FBXW8: variants seen among roughly 807,000 people sequenced by gnomAD.
FBXW8 encodes F-box and WD repeat domain containing 8.
Under a neutral mutation model 65.3 loss-of-function variants are expected in FBXW8, and 57 were observed. That is an observed-to-expected ratio of 0.87 (90% CI 0.71 to 1.09). FBXW8 has a LOEUF of 1.09. Among genes scored for constraint, FBXW8 ranks in the 50% least tolerant of loss-of-function variants. FBXW8 has a pLI of 0.00. For missense variants in FBXW8, 777 were observed against 814.8 expected (o/e 0.95, Z 0.57); for synonymous variants, 308 against 330.2 (o/e 0.93, Z 0.73).
At chr12:116,925,909 GT>G (rs1314746098) in intron 1 of FBXW8, among the ~76,000 whole-genome samples, 1 of 152,168 alleles carries the variant, frequency 6.6e-6, no homozygotes, top group Non-Finnish European at 1.5e-5. Flanking sequence ...AGGTGTATCA[GT>G]TTGAATCTTT....
intron 2 of FBXW8, among the ~76,000 whole-genome samples, chr12:116,930,721 G>A (rs1881703022): frequency 6.6e-6 from 1 of 152,162 alleles, no homozygotes; most frequent in African/African-American, 2.4e-5. Context: ...ACCTATACCA[G>A]TGTCATGGAG....
chr12:117,024,785 G>A (rs1055570511), intron 9 of FBXW8, among the ~76,000 whole-genome samples: 3 of 152,140 alleles, frequency 2.0e-5, no homozygotes, highest in Admixed American at 6.5e-5. Context: ...TCCGTCATGT[G>A]TAACCATGGT....
chr12:116,979,225 T>C (rs938262110), intron 5 of FBXW8: 8 of 152,240 alleles, frequency 5.3e-5, no homozygotes, highest in African/African-American at 1.7e-4. Context: ...CAGTTTAAAC[T>C]CATTTAGATC....
chr12:116,975,924 C>G (rs1369652287), intron 5 of FBXW8, among the ~76,000 whole-genome samples: 1 of 152,128 alleles, frequency 6.6e-6, no homozygotes, highest in Non-Finnish European at 1.5e-5. Flanking sequence ...AAAAAATATG[C>G]TGGTAAGAGG....
chr12:116,969,509 T>G (rs1884527067), intron 5 of FBXW8, among the ~76,000 whole-genome samples: 1 of 152,232 alleles, frequency 6.6e-6, no homozygotes, highest in Non-Finnish European at 1.5e-5. Flanking sequence ...TTATATTGCT[T>G]CTTTCCAGGA....
At chr12:117,018,860 C>G (rs1257123874) in intron 8 of FBXW8, among the ~76,000 whole-genome samples, 2 of 152,140 alleles carry the variant, frequency 1.3e-5, no homozygotes, top group African/African-American at 4.8e-5. Context: ...CCTTAACAGC[C>G]AAACTGTAAA....
intron 6 of FBXW8, chr12:116,985,614 CTT>C: frequency 1.9e-6 from 1 of 514,986 alleles, no homozygotes. Context: ...AGTGAACTGA[CTT>C]GCCCCAGTTC....
chr12:117,024,008 A>G (rs977949883), intron 8 of FBXW8, 139 bp from the exon 9 acceptor site: 56 of 761,188 alleles, frequency 7.4e-5, no homozygotes, highest in Non-Finnish European at 1.1e-4. Flanking sequence ...TGATGTCCTT[A>G]TTATCGATGT....
At chr12:116,932,716 TAG>T (rs1384109370) in intron 2 of FBXW8, among the ~76,000 whole-genome samples, 2 of 152,174 alleles carry the variant, frequency 1.3e-5, no homozygotes, top group African/African-American at 4.8e-5. Flanking sequence ...GTATTTTTAG[TAG>T]AGACGGGGTT....
At chr12:116,926,025 C>T (rs1267024502) in intron 1 of FBXW8, among the ~76,000 whole-genome samples, 1 of 152,118 alleles carries the variant, frequency 6.6e-6, no homozygotes, top group Non-Finnish European at 1.5e-5. Context: ...CATTGTCTTC[C>T]ATGATGAGGA....
chr12:116,919,745 G>A (rs1880736326), intron 1 of FBXW8, among the ~76,000 whole-genome samples: 1 of 152,138 alleles, frequency 6.6e-6, no homozygotes, highest in Non-Finnish European at 1.5e-5. Context: ...CTTTATAAAG[G>A]CTCTATGATT....
chr12:116,952,436 A>G (rs971556963), intron 4 of FBXW8, among the ~76,000 whole-genome samples: 1 of 152,192 alleles, frequency 6.6e-6, no homozygotes, highest in Non-Finnish European at 1.5e-5. Flanking sequence ...AACCAACACC[A>G]CTATCTAATT....
chr12:116,994,448 A>AG (rs1953328169), intron 7 of FBXW8, among the ~76,000 whole-genome samples: 2 of 152,218 alleles, frequency 1.3e-5, no homozygotes, highest in African/African-American at 4.8e-5. Flanking sequence ...ATAGGAAGGA[A>AG]GGGTATGTGG....
At chr12:117,027,636 G>A (rs1954266075) in intron 10 of FBXW8, 132 bp downstream of exon 10, 1 of 746,356 alleles carries the variant, frequency 1.3e-6, no homozygotes, top group Non-Finnish European at 2.3e-6. Context: ...TCTGCGAATT[G>A]GAAACATAAA....
At chr12:116,995,466 C>A (rs1015009089) in intron 7 of FBXW8, among the ~76,000 whole-genome samples, 6 of 152,146 alleles carry the variant, frequency 3.9e-5, no homozygotes, top group Non-Finnish European at 7.4e-5. Context: ...CCGAGGAATC[C>A]ATTATTCTAT....
At chr12:116,963,123 C>T (rs1458378892) in intron 4 of FBXW8, among the ~76,000 whole-genome samples, 1 of 152,186 alleles carries the variant, frequency 6.6e-6, no homozygotes, top group Non-Finnish European at 1.5e-5. Flanking sequence ...TCCCGTTTGG[C>T]TCTTTATCCC....
At chr12:116,964,581 T>A in intron 4 of FBXW8, 116 bp from the exon 5 acceptor site, 2 of 1,184,978 alleles carry the variant, frequency 1.7e-6, no homozygotes, top group Admixed American at 3.7e-5. Context: ...GCCTCAGCAG[T>A]GGCTCTACAC....
chr12:116,942,749 C>G (rs954618382), intron 2 of FBXW8, among the ~76,000 whole-genome samples: 1 of 139,058 alleles, frequency 7.2e-6, no homozygotes, highest in African/African-American at 2.7e-5. Context: ...AGTTCCTGTA[C>G]TTTTTAACTC....
intron 5 of FBXW8, among the ~76,000 whole-genome samples, chr12:116,981,561 T>C (rs1393444616): frequency 6.6e-6 from 1 of 151,734 alleles, no homozygotes; most frequent in Non-Finnish European, 1.5e-5. Flanking sequence ...AGTATGACAG[T>C]AATAGCACAA....
Sources: allele counts gnomAD v4.1 joint callset (sites outside exome capture counted in the v4.1 genomes callset), GRCh38; gene constraint gnomAD v4.1.1; transcripts MANE v1.5; gene names NCBI Gene and HGNC (gene_info 2026-07-23, HGNC 2026-07-21).